The following MINDY4 variants were observed in gnomAD, a reference collection of about 807,000 sequenced individuals.
The protein encoded by MINDY4 is probable ubiquitin carboxyl-terminal hydrolase MINDY-4.
In MINDY4, 68 loss-of-function variants were observed where a neutral mutation model predicts 87.0. The ratio of observed to expected loss-of-function variants is 0.78; its 90% CI spans 0.64 to 0.96. The LOEUF is 0.96. Ranked by LOEUF, MINDY4 falls within the 40% of genes least tolerant of loss-of-function variation. MINDY4 has a pLI of 0.00. For missense variants in MINDY4, 919 were observed against 928.2 expected (o/e 0.99, Z 0.13); for synonymous variants, 379 against 363.2 (o/e 1.04, Z -0.50).
intron 2 of MINDY4, 168 bp from the exon 3 acceptor site, chr7:30,781,809 A>G: frequency 1.7e-6 from 1 of 603,780 alleles, no homozygotes; most frequent in Non-Finnish European, 2.9e-6. Flanking sequence ...TCCGTACCCA[A>G]CATAGTACCT....
chr7:30,791,043 C>T (rs1787309344), intron 4 of MINDY4, 122 bp from the exon 5 acceptor site: 1 of 989,260 alleles, frequency 1.0e-6, no homozygotes, highest in Admixed American at 2.3e-5. Context: ...GGGAAAGAGT[C>T]CGAGGTGGGA....
intron 13 of MINDY4, among the ~76,000 whole-genome samples, chr7:30,864,619 T>C (rs563788031): frequency 9.2e-4 from 140 of 152,366 alleles, no homozygotes; most frequent in Non-Finnish European, 1.6e-3. Context: ...TGCTGGGTGC[T>C]GGGTGCCATT....
intron 5 of MINDY4, among the ~76,000 whole-genome samples, chr7:30,806,982 A>C (rs1411967264): frequency 6.6e-6 from 1 of 152,234 alleles, no homozygotes; most frequent in Non-Finnish European, 1.5e-5. Flanking sequence ...CTAAGAGAGG[A>C]CAGTGGCATT....
intron 17 of MINDY4, among the ~76,000 whole-genome samples, chr7:30,891,376 A>G (rs981697028): frequency 2.0e-5 from 3 of 151,960 alleles, no homozygotes; most frequent in African/African-American, 7.3e-5. Flanking sequence ...CCTGGACCAC[A>G]ATTTAGTTAT....
intron 5 of MINDY4, among the ~76,000 whole-genome samples, chr7:30,810,174 C>CAAAAAAAAAAA (rs58498956): frequency 3.0e-5 from 2 of 66,698 alleles, no homozygotes; most frequent in Non-Finnish European, 5.3e-5. Context: ...GACTCTGTTT[C>CAAAAAAAAAAA]AAAAAAAAAA....
intron 12 of MINDY4, among the ~76,000 whole-genome samples, chr7:30,854,678 G>T (rs58640303): frequency 0.029 from 4,489 of 152,294 alleles, 114 homozygotes; most frequent in East Asian, 0.11. Flanking sequence ...TGCTGGAAAT[G>T]GGACCAGGAC....
chr7:30,778,352 G>C (rs947431735), intron 1 of MINDY4, 80 bp from the exon 2 acceptor site: 1 of 1,568,008 alleles, frequency 6.4e-7, no homozygotes, highest in African/African-American at 1.4e-5. Flanking sequence ...GTGAACATCA[G>C]GAATCGTTTG....
At chr7:30,855,829 G>A (rs966385545) in intron 12 of MINDY4, among the ~76,000 whole-genome samples, 10 of 152,210 alleles carry the variant, frequency 6.6e-5, no homozygotes, top group South Asian at 2.1e-4. Context: ...TGGTACAGGC[G>A]GTCAATATTC....
intron 9 of MINDY4, among the ~76,000 whole-genome samples, chr7:30,841,154 A>G (rs1216907985): frequency 2.0e-5 from 3 of 152,130 alleles, no homozygotes; most frequent in Non-Finnish European, 4.4e-5. Flanking sequence ...CCTTCCACCC[A>G]CCAGGTCGAC....
chr7:30,795,373 C>T (rs900208935), intron 5 of MINDY4, among the ~76,000 whole-genome samples: 2 of 152,220 alleles, frequency 1.3e-5, no homozygotes, highest in African/African-American at 2.4e-5. Flanking sequence ...GCAGTTGCCA[C>T]AGCACTGACA....
At chr7:30,821,648 C>T (rs1788334616) in intron 5 of MINDY4, among the ~76,000 whole-genome samples, 1 of 152,100 alleles carries the variant, frequency 6.6e-6, no homozygotes, top group Non-Finnish European at 1.5e-5. Flanking sequence ...CAGGTATTTC[C>T]CTTCCTAAAT....
At chr7:30,855,964 G>A (rs1789556687) in intron 12 of MINDY4, among the ~76,000 whole-genome samples, 1 of 152,256 alleles carries the variant, frequency 6.6e-6, no homozygotes, top group Non-Finnish European at 1.5e-5. Context: ...GCCTAAGAGG[G>A]GTTCCTCGTG....
At chr7:30,844,750 CTGGG>C (rs1789153352) in intron 9 of MINDY4, among the ~76,000 whole-genome samples, 1 of 152,134 alleles carries the variant, frequency 6.6e-6, no homozygotes, top group Non-Finnish European at 1.5e-5. Context: ...CTCAGCCACC[CTGGG>C]AGAGGGGAAG....
intron 7 of MINDY4, among the ~76,000 whole-genome samples, chr7:30,838,744 C>A (rs1009695600): frequency 6.6e-6 from 1 of 152,218 alleles, no homozygotes; most frequent in Non-Finnish European, 1.5e-5. Context: ...ACTGGAGTCT[C>A]ACCCTCAGCA....
chr7:30,830,492 A>G (rs1465899254), intron 6 of MINDY4, among the ~76,000 whole-genome samples: 1 of 152,202 alleles, frequency 6.6e-6, no homozygotes, highest in African/African-American at 2.4e-5. Context: ...GGCCTCAGGA[A>G]ACTTACAATC....
intron 17 of MINDY4, among the ~76,000 whole-genome samples, 164 bp downstream of exon 17, chr7:30,883,157 T>C (rs1273841465): frequency 6.6e-6 from 1 of 152,156 alleles, no homozygotes; most frequent in African/African-American, 2.4e-5. Context: ...TCGTGGTCAC[T>C]GGGGCCCAGG....
At chr7:30,848,895 A>C (rs1789310140) in intron 9 of MINDY4, among the ~76,000 whole-genome samples, 1 of 152,144 alleles carries the variant, frequency 6.6e-6, no homozygotes, top group African/African-American at 2.4e-5. Context: ...GTGGGGACTT[A>C]ATGGTTTCAT....
chr7:30,773,941 G>A (rs1246960332), intron 1 of MINDY4, among the ~76,000 whole-genome samples: 1 of 152,018 alleles, frequency 6.6e-6, no homozygotes, highest in South Asian at 2.1e-4. Context: ...GCTCTTTTGC[G>A]CTTCTCTCCT....
At chr7:30,880,391 A>G (rs984559471) in intron 15 of MINDY4, among the ~76,000 whole-genome samples, 1 of 145,416 alleles carries the variant, frequency 6.9e-6, no homozygotes, top group African/African-American at 2.6e-5. Context: ...GGAAAATGTC[A>G]CCCACTTGGA....
Sources: allele counts gnomAD v4.1 joint callset (sites outside exome capture counted in the v4.1 genomes callset), GRCh38; gene constraint gnomAD v4.1.1; transcripts MANE v1.5; gene names NCBI Gene and HGNC (gene_info 2026-07-23, HGNC 2026-07-21).